CPEB1: variants seen among roughly 807,000 people sequenced by gnomAD.
CPEB1 encodes cytoplasmic polyadenylation element binding protein 1.
A neutral mutation model predicts 65.8 loss-of-function variants in CPEB1; 7 were observed. That is an observed-to-expected ratio of 0.11 (90% CI 0.06 to 0.20). The LOEUF is 0.20. CPEB1 is among the 10% of genes least tolerant of loss of function. The pLI is 1.00. For synonymous variants in CPEB1, 262 were observed against 260.0 expected, an observed-to-expected ratio of 1.01 and a Z score of -0.08; for missense variants, 551 against 712.2, an observed-to-expected ratio of 0.77 and a Z score of 2.58.
At chr15:82,613,289 A>G (rs1162311548) in intron 3 of CPEB1, among the ~76,000 whole-genome samples, 1 of 152,200 alleles carries the variant, frequency 6.6e-6, no homozygotes, top group Non-Finnish European at 1.5e-5. Context: ...TCCTACATCT[A>G]TAGAATAAAG....
At position 82,544,982 on chromosome 15, in the gene CPEB1, G is replaced by A. The variant is rs571015294; in HGVS notation, c.1657-280C>T. ...AGTTTCTCTTATCCCCTCTAACCATGACAGCTGCTCTCCTATTCCCCTGCC... is the reference window on the plus strand; with the variant it reads ...AGTTTCTCTTATCCCCTCTAACCATAACAGCTGCTCTCCTATTCCCCTGCC... On this transcript the variant is annotated intron_variant, in intron 12 of 12. Transcript: ENST00000684509. Among the ~76,000 whole-genome samples the A allele has an allele frequency of 6.6e-5, 10 of 152,308 alleles. No individual in the cohort carries two copies. The East Asian group carries it at 1.9e-3, about 29-fold the overall frequency.
At chr15:82,548,591 G>GC (rs2035691847) in intron 10 of CPEB1, 7 of 369,746 alleles carry the variant, frequency 1.9e-5, no homozygotes, top group South Asian at 1.4e-4. Flanking sequence ...CAGAGTGGAA[G>GC]CCAAGATGCA....
At chr15:82,625,708 C>T (rs1046831622) in intron 3 of CPEB1, among the ~76,000 whole-genome samples, 3 of 152,188 alleles carry the variant, frequency 2.0e-5, no homozygotes, top group South Asian at 4.1e-4. Context: ...CACAGTCCAA[C>T]GTAGTGTTGC....
intron 3 of CPEB1, among the ~76,000 whole-genome samples, chr15:82,624,390 G>A (rs536743548): frequency 2.6e-5 from 4 of 152,260 alleles, no homozygotes; most frequent in Non-Finnish European, 4.4e-5. Flanking sequence ...CTGTGAGGCA[G>A]GTTGAGCAGG....
At chr15:82,571,751 G>GT in intron 3 of CPEB1, 1 of 1,371,514 alleles carries the variant, frequency 7.3e-7, no homozygotes, top group Non-Finnish European at 9.4e-7. Flanking sequence ...CCCCTATCCC[G>GT]TCTGCATTAC....
intron 1 of CPEB1, among the ~76,000 whole-genome samples, chr15:82,633,792 G>A (rs2046443105): frequency 1.3e-5 from 2 of 152,164 alleles, no homozygotes; most frequent in African/African-American, 4.8e-5. Flanking sequence ...CAACAAAGGT[G>A]AGGGAAATGG....
At chr15:82,628,124 TAGA>T in intron 2 of CPEB1, 1 of 685,554 alleles carries the variant, frequency 1.5e-6, no homozygotes, top group Non-Finnish European at 2.6e-6. Context: ...CATGAAAGTC[TAGA>T]AGAATTACAC....
In CPEB1 at chr15:82,544,272, GT is replaced by G. The variant is rs35946080; in HGVS notation, c.*319del. 0.35 allele frequency: 46,269 copies of G among 131,052 alleles called. 7,597 individuals are homozygous for G. The highest frequency in any genetic ancestry group is 0.39 in the East Asian group (1,787 of 4,608). The allele number at this position is 131,052 out of a possible 1,614,324, so 8.1% of individuals were successfully genotyped here. A position where few individuals can be genotyped will look rare whatever the true frequency, so the allele number is the denominator to read the frequency against. ...TACCTCAATACCTTCTGGACACGTA[GT>G]TTTTTTTTTTTTTTTTTTTTTCCCC... On this transcript the variant is annotated 3_prime_UTR_variant, in exon 13 of 13. Coordinates refer to ENST00000684509, the MANE Select transcript of CPEB1 (RefSeq NM_001365242.1).
intron 3 of CPEB1, among the ~76,000 whole-genome samples, chr15:82,626,916 C>T (rs1260033124): frequency 2.0e-5 from 3 of 152,220 alleles, no homozygotes; most frequent in Non-Finnish European, 4.4e-5. Context: ...ATGTGATCCA[C>T]ATTATATCTC....
chr15:82,570,111 C>T, intron 4 of CPEB1, among the ~76,000 whole-genome samples: 1 of 146,988 alleles, frequency 6.8e-6, no homozygotes, highest in African/African-American at 2.4e-5. Flanking sequence ...TCCCCATCCA[C>T]ATCCACATAA....
At position 82,549,500 on chromosome 15, in the gene CPEB1, C is replaced by A; in HGVS notation, c.1440G>T (p.Val480=). The part of the protein sequence containing the change: ...AILNDLFGGV[V]YAGIDTDKHK... ...GCTTATCTGTGTCAATCCCGGCATACACCACTCCACCAAATAGGTCGTTCA... is the reference window on the plus strand; with the variant it reads ...GCTTATCTGTGTCAATCCCGGCATAAACCACTCCACCAAATAGGTCGTTCA... Residue 480 remains valine, a synonymous_variant, in exon 10 of 13, where the codon GTG becomes GTT. Transcript: ENST00000684509. 2 of 1,614,216 alleles carry A rather than the reference C, an allele frequency of 1.2e-6. No individual in the cohort carries two copies. The highest frequency in any genetic ancestry group is 1.7e-6 in the Non-Finnish European group (2 of 1,180,046).
intron 3 of CPEB1, among the ~76,000 whole-genome samples, chr15:82,607,337 C>G (rs2043714995): frequency 6.6e-6 from 1 of 152,148 alleles, no homozygotes; most frequent in Non-Finnish European, 1.5e-5. Context: ...CCTGTAATCC[C>G]AGCATTTTGG....
intron 3 of CPEB1, among the ~76,000 whole-genome samples, chr15:82,618,688 A>C (rs1319085504): frequency 6.6e-6 from 1 of 152,344 alleles, no homozygotes; most frequent in East Asian, 1.9e-4. Context: ...ACAAACAGAA[A>C]ATGGCACTAA....
Position 82,544,462 on chromosome 15 carries a change from C to A in CPEB1, c.*130G>T. 1 of 640,842 alleles carries A rather than the reference C, an allele frequency of 1.6e-6. No individual in the cohort carries two copies. The highest frequency in any genetic ancestry group is 2.9e-5 in the Admixed American group (1 of 34,918). 39.7% of individuals were successfully genotyped at this position (640,842 alleles called of 1,614,324 possible). ...GAAACAAAGACAGATTCAGCAAGTG[C>A]AAAGGTGACTACAATTTTCCCTTGT... On this transcript the variant is annotated 3_prime_UTR_variant, in exon 13 of 13. Coordinates refer to ENST00000684509, the MANE Select transcript of CPEB1 (RefSeq NM_001365242.1).
chr15:82,602,442 G>T (rs1178816416), intron 3 of CPEB1, among the ~76,000 whole-genome samples: 1 of 152,170 alleles, frequency 6.6e-6, no homozygotes, highest in Non-Finnish European at 1.5e-5. Flanking sequence ...CAAGTGCTTT[G>T]GGAGGCTCAG....
intron 1 of CPEB1, among the ~76,000 whole-genome samples, chr15:82,632,812 A>G (rs2046374312): frequency 6.6e-6 from 1 of 151,946 alleles, no homozygotes; most frequent in Non-Finnish European, 1.5e-5. Flanking sequence ...TACAGGCATG[A>G]GCTACCACAT....
At chr15:82,550,408 G>C (rs1245533735) in intron 9 of CPEB1, among the ~76,000 whole-genome samples, 1 of 152,226 alleles carries the variant, frequency 6.6e-6, no homozygotes, top group Non-Finnish European at 1.5e-5. Flanking sequence ...AGGTGATTAA[G>C]ACTTGGACAA....
chr15:82,606,451 C>T (rs1402775725), intron 3 of CPEB1, among the ~76,000 whole-genome samples: 3 of 144,220 alleles, frequency 2.1e-5, no homozygotes, highest in African/African-American at 7.8e-5. Context: ...ACCTGGGTGA[C>T]ACAGGGATAC....
Position 82,544,527 on chromosome 15 carries a change from G to T in CPEB1, c.*65C>A. 1 of 1,242,640 alleles carries T rather than the reference G, an allele frequency of 8.0e-7. No individual in the cohort carries two copies. Among genetic ancestry groups the T allele is most frequent in the Non-Finnish European group, 1.2e-6 (1 of 862,898 alleles). 77.0% of individuals were successfully genotyped at this position (1,242,640 alleles called of 1,614,324 possible). A position where few individuals can be genotyped will look rare whatever the true frequency, so the allele number is the denominator to read the frequency against. On this transcript the variant is annotated 3_prime_UTR_variant, in exon 13 of 13. Transcript: ENST00000684509. ...CTCCCTGGTCGCCAGTGGCAGGGTGGTGCAGGCTGCTTGCCTGACCTGCCA... is the reference window on the plus strand; with the variant it reads ...CTCCCTGGTCGCCAGTGGCAGGGTGTTGCAGGCTGCTTGCCTGACCTGCCA...
Sources: gnomAD v4.1 joint callset for allele counts (sites outside exome capture counted in the v4.1 genomes callset) on GRCh38, gnomAD v4.1.1 for gene constraint, MANE v1.5 for transcripts, NCBI Gene and HGNC (gene_info 2026-07-23, HGNC 2026-07-21) for gene names.